HCN1: variants seen among roughly 807,000 people sequenced by gnomAD.
The protein encoded by HCN1 is potassium/sodium hyperpolarization-activated cyclic nucleotide-gated channel 1.
Under a neutral mutation model 78.9 loss-of-function variants are expected in HCN1, and 13 were observed. The ratio of observed to expected loss-of-function variants is 0.16; its 90% CI spans 0.11 to 0.26. The LOEUF (loss-of-function observed/expected upper bound fraction) is 0.26, where lower values mean the gene tolerates loss of function less well. Ranked by LOEUF, HCN1 falls within the 10% of genes least tolerant of loss-of-function variation. The pLI is 1.00. For synonymous variants in HCN1, 552 were observed against 455.5 expected (o/e 1.21, Z -2.70); for missense variants, 810 against 1,154.3 (o/e 0.70, Z 4.32).
intron 6 of HCN1, among the ~76,000 whole-genome samples, chr5:45,270,076 T>A (rs1744931160): frequency 6.6e-6 from 1 of 152,208 alleles, no homozygotes; most frequent in Admixed American, 6.5e-5. Flanking sequence ...AGCACTTCAA[T>A]GATGCCAAGG....
intron 2 of HCN1, among the ~76,000 whole-genome samples, chr5:45,586,986 G>A (rs573821729): frequency 5.9e-5 from 9 of 152,148 alleles, no homozygotes; most frequent in African/African-American, 1.9e-4. Flanking sequence ...ATATCTTTAA[G>A]ACTACATAAC....
chr5:45,410,325 A>G (rs536346730), intron 3 of HCN1, among the ~76,000 whole-genome samples: 3 of 152,096 alleles, frequency 2.0e-5, no homozygotes, highest in Admixed American at 2.0e-4. Context: ...AAATCTAATT[A>G]TTATTGTAAT....
At chr5:45,364,425 T>C (rs906836564) in intron 4 of HCN1, among the ~76,000 whole-genome samples, 47 of 150,946 alleles carry the variant, frequency 3.1e-4, no homozygotes, top group Admixed American at 4.0e-4. Context: ...TCCTTTTTCC[T>C]GCATGTCTTC....
At chr5:45,673,874 A>C (rs1416340679) in intron 1 of HCN1, among the ~76,000 whole-genome samples, 1 of 151,602 alleles carries the variant, frequency 6.6e-6, no homozygotes, top group East Asian at 1.9e-4. Context: ...CAAGTATGAA[A>C]TTCTAATACT....
chr5:45,636,448 T>C (rs1745357814), intron 2 of HCN1, among the ~76,000 whole-genome samples: 1 of 152,146 alleles, frequency 6.6e-6, no homozygotes, highest in South Asian at 2.1e-4. Context: ...AACTAAGACA[T>C]CTATTCGGAA....
At chr5:45,590,805 C>A (rs1235352680) in intron 2 of HCN1, among the ~76,000 whole-genome samples, 1 of 152,274 alleles carries the variant, frequency 6.6e-6, no homozygotes, top group South Asian at 2.1e-4. Context: ...ATATTCATGG[C>A]TCGATAGCTA....
rs564809137 is a variant in HCN1 at position 45,493,715 on chromosome 5, G to C, written c.850-31708C>G. 1.1e-3 allele frequency among the ~76,000 whole-genome samples: 173 copies of C among 151,370 alleles called. 1 individual carries two copies. The highest frequency in any genetic ancestry group is 4.1e-3 in the African/African-American group (168 of 41,120). On this transcript the variant is annotated intron_variant, in intron 2 of 7. Coordinates refer to ENST00000303230, the MANE Select transcript of HCN1 (RefSeq NM_021072.4). Reference sequence around the variant, plus strand: ...GCTGCACCCACTAACTCGTCATCTAGCATTAGGTATATCCCCCAATGCTAT... The same window carrying C: ...GCTGCACCCACTAACTCGTCATCTACCATTAGGTATATCCCCCAATGCTAT...
At chr5:45,416,499 A>G (rs1740122488) in intron 3 of HCN1, among the ~76,000 whole-genome samples, 1 of 152,032 alleles carries the variant, frequency 6.6e-6, no homozygotes, top group South Asian at 2.1e-4. Context: ...CCTTAGATGA[A>G]GAAAACAAAA....
At chr5:45,575,676 T>C (rs1287310357) in intron 2 of HCN1, 4 of 152,098 alleles carry the variant, frequency 2.6e-5, no homozygotes, top group Non-Finnish European at 5.9e-5. Context: ...GTTTACCAAA[T>C]ACTTTAAGCC....
chr5:45,377,584 C>T (rs189072412), intron 4 of HCN1, among the ~76,000 whole-genome samples: 16 of 151,590 alleles, frequency 1.1e-4, no homozygotes, highest in African/African-American at 3.6e-4. Flanking sequence ...TTGGTAAGGC[C>T]AGTTAAAAAA....
At chr5:45,345,395 C>T (rs1292569388) in intron 5 of HCN1, among the ~76,000 whole-genome samples, 4 of 152,190 alleles carry the variant, frequency 2.6e-5, no homozygotes, top group African/African-American at 4.8e-5. Context: ...ATGTAAATTG[C>T]TGCAGAAGGC....
At chr5:45,550,077 G>T (rs528857153) in intron 2 of HCN1, among the ~76,000 whole-genome samples, 20 of 152,190 alleles carry the variant, frequency 1.3e-4, no homozygotes, top group Admixed American at 4.6e-4. Context: ...AACCATTGTG[G>T]AAGTCAGTGT....
intron 2 of HCN1, among the ~76,000 whole-genome samples, chr5:45,533,898 G>C (rs980027614): frequency 6.6e-6 from 1 of 152,188 alleles, no homozygotes; most frequent in Non-Finnish European, 1.5e-5. Flanking sequence ...GTGCAGCAGG[G>C]CACAGTTCTG....
chr5:45,461,460 A>G (rs556300392), intron 3 of HCN1, among the ~76,000 whole-genome samples: 2 of 152,230 alleles, frequency 1.3e-5, no homozygotes, highest in East Asian at 3.9e-4. Flanking sequence ...AATCCCTAAA[A>G]GTGTATGTCT....
At chr5:45,372,120 TA>T (rs1747397207) in intron 4 of HCN1, among the ~76,000 whole-genome samples, 1 of 57,202 alleles carries the variant, frequency 1.7e-5, no homozygotes, top group South Asian at 5.2e-4. Context: ...TATAATTATA[TA>T]TTATATATAT....
rs534802997 is a variant in HCN1, at chr5:45,504,843, A to T, written c.850-42836T>A. ...TGTGGTTTTGATTTGCATTTCTCTG[A>T]TGGCCAGTGATGATAAGCATTTTTT... On this transcript the variant is annotated intron_variant, in intron 2 of 7. Transcript: ENST00000303230. 3.9e-5 allele frequency among the ~76,000 whole-genome samples: 6 copies of T among 152,192 alleles called. No homozygotes were observed. The South Asian group carries it at 1.2e-3, about 32-fold the overall frequency.
intron 3 of HCN1, among the ~76,000 whole-genome samples, chr5:45,440,691 C>G (rs1740652963): frequency 6.6e-6 from 1 of 152,128 alleles, no homozygotes; most frequent in African/African-American, 2.4e-5. Context: ...GTTGTTCTGC[C>G]CAAACCACTT....
At chr5:45,301,670 A>G (rs1292675851) in intron 6 of HCN1, among the ~76,000 whole-genome samples, 1 of 151,030 alleles carries the variant, frequency 6.6e-6, no homozygotes, top group Non-Finnish European at 1.5e-5. Flanking sequence ...GCAGTGAGCC[A>G]TAATCATGCC....
chr5:45,384,330 A>G (rs185334976), intron 4 of HCN1, among the ~76,000 whole-genome samples: 1 of 152,290 alleles, frequency 6.6e-6, no homozygotes, highest in Admixed American at 6.6e-5. Context: ...CAATATAGTC[A>G]CAGAAAATCT....
Sources: allele counts gnomAD v4.1 joint callset (sites outside exome capture counted in the v4.1 genomes callset), GRCh38; gene constraint gnomAD v4.1.1; transcripts MANE v1.5; gene names NCBI Gene and HGNC (gene_info 2026-07-23, HGNC 2026-07-21).